The following RALGPS2 variants were observed in gnomAD, a reference collection of about 807,000 sequenced individuals.
The protein encoded by RALGPS2 is Ral GEF with PH domain and SH3 binding motif 2, also known as ras-specific guanine nucleotide-releasing factor RalGPS2.
In RALGPS2, 43 loss-of-function variants were observed where a neutral mutation model predicts 86.8. The ratio of observed to expected loss-of-function variants is 0.50; its 90% CI spans 0.39 to 0.64. The LOEUF (loss-of-function observed/expected upper bound fraction) is 0.64, where lower values mean the gene tolerates loss of function less well. RALGPS2 is among the 30% of genes least tolerant of loss of function. RALGPS2 has a pLI of 0.00. For synonymous variants in RALGPS2, 243 were observed against 231.3 expected (o/e 1.05, Z -0.46); for missense variants, 536 against 694.6 (o/e 0.77, Z 2.57).
intron 1 of RALGPS2, among the ~76,000 whole-genome samples, chr1:178,730,931 C>T (rs867247125): frequency 2.6e-5 from 4 of 152,238 alleles, no homozygotes; most frequent in Middle Eastern, 6.8e-3. Flanking sequence ...GACCCAACCT[C>T]AAGTGATTCG....
intron 8 of RALGPS2, among the ~76,000 whole-genome samples, chr1:178,855,411 G>T (rs893109266): frequency 3.3e-5 from 5 of 150,840 alleles, no homozygotes; most frequent in Non-Finnish European, 5.9e-5. Flanking sequence ...AAAAGTACAC[G>T]CAAAAATCAA....
At chr1:178,863,255 G>A (rs1011629279) in intron 8 of RALGPS2, among the ~76,000 whole-genome samples, 3 of 152,124 alleles carry the variant, frequency 2.0e-5, no homozygotes, top group East Asian at 3.8e-4. Flanking sequence ...GGGCAGCTGG[G>A]GAAGTATCAA....
chr1:178,899,954 C>G (rs747516040), intron 17 of RALGPS2, among the ~76,000 whole-genome samples: 5 of 151,846 alleles, frequency 3.3e-5, no homozygotes, highest in Non-Finnish European at 5.9e-5. Context: ...GTTGTCTCTT[C>G]AATTTCTTAG....
Position 178,738,906 on chromosome 1 carries a change from T to C in RALGPS2, c.-84+13487T>C, listed in dbSNP as rs116294254. On this transcript the variant is annotated intron_variant, in intron 1 of 19. Transcript: ENST00000367635. ...GGTTACTGGAGTAAATTATTCGTTA[T>C]ACCTCTTCCAGTCCTGATTTAGATT... 3.0e-3 allele frequency among the ~76,000 whole-genome samples: 460 copies of C among 152,328 alleles called. 4 individuals are homozygous for C. Among genetic ancestry groups the C allele is most frequent in the African/African-American group, 0.01 (426 of 41,582 alleles).
chr1:178,747,820 C>T (rs1034315236), intron 1 of RALGPS2: 5 of 636,532 alleles, frequency 7.9e-6, no homozygotes, highest in African/African-American at 1.8e-5. Flanking sequence ...CCTGCACGAT[C>T]CGCAGAGAGC....
At chr1:178,801,000 C>T (rs968544765) in intron 4 of RALGPS2, among the ~76,000 whole-genome samples, 4 of 151,688 alleles carry the variant, frequency 2.6e-5, no homozygotes, top group Non-Finnish European at 4.4e-5. Context: ...GATCTCAGCT[C>T]ACTGCAAACT....
intron 12 of RALGPS2, 59 bp downstream of exon 12, chr1:178,885,270 T>C (rs1023623097): frequency 6.6e-7 from 1 of 1,515,028 alleles, no homozygotes; most frequent in South Asian, 1.2e-5. Flanking sequence ...GGATTTATTG[T>C]CGATTTATTA....
chr1:178,853,548 A>G, intron 8 of RALGPS2: 1 of 1,399,800 alleles, frequency 7.1e-7, no homozygotes. Flanking sequence ...CATTATTGCA[A>G]GAATGGATTT....
At chr1:178,831,099 A>G (rs1288546072) in intron 7 of RALGPS2, among the ~76,000 whole-genome samples, 1 of 152,168 alleles carries the variant, frequency 6.6e-6, no homozygotes, top group East Asian at 1.9e-4. Context: ...AATTTGCCAA[A>G]AATGAAATAA....
intron 18 of RALGPS2, among the ~76,000 whole-genome samples, chr1:178,902,908 C>T (rs1231930185): frequency 1.3e-5 from 2 of 152,032 alleles, no homozygotes; most frequent in Admixed American, 1.3e-4. Context: ...TATAGAGAGA[C>T]ACTTATGAAT....
intron 4 of RALGPS2, among the ~76,000 whole-genome samples, chr1:178,790,498 T>C (rs1413194133): frequency 6.6e-6 from 1 of 152,232 alleles, no homozygotes; most frequent in Non-Finnish European, 1.5e-5. Flanking sequence ...CATTCCTGTC[T>C]ATTTAGTTAT....
intron 8 of RALGPS2, chr1:178,870,899 T>C (rs1308025496): frequency 6.6e-6 from 1 of 152,154 alleles, no homozygotes; most frequent in Non-Finnish European, 1.5e-5. Flanking sequence ...TTCTTTTTCC[T>C]TTTACAATAC....
At chr1:178,811,012 A>T (rs568671399) in intron 5 of RALGPS2, among the ~76,000 whole-genome samples, 1 of 152,140 alleles carries the variant, frequency 6.6e-6, no homozygotes, top group Non-Finnish European at 1.5e-5. Flanking sequence ...ATTTGAAAGC[A>T]TTACAAAATT....
chr1:178,854,523 A>G (rs1276717153), intron 8 of RALGPS2, among the ~76,000 whole-genome samples: 4 of 152,170 alleles, frequency 2.6e-5, no homozygotes, highest in Non-Finnish European at 4.4e-5. Flanking sequence ...CTAACAGCCC[A>G]TGAGAATACA....
At chr1:178,911,676 A>G (rs1029491578) in intron 19 of RALGPS2, among the ~76,000 whole-genome samples, 2 of 152,190 alleles carry the variant, frequency 1.3e-5, no homozygotes, top group African/African-American at 4.8e-5. Context: ...AATGAAAAGA[A>G]TGTATATTCT....
At chr1:178,759,141 C>G (rs1002338082) in intron 1 of RALGPS2, among the ~76,000 whole-genome samples, 6 of 152,122 alleles carry the variant, frequency 3.9e-5, no homozygotes, top group Admixed American at 3.9e-4. Context: ...AATAGATTTT[C>G]TCCCAGACCA....
At chr1:178,812,409 G>A (rs1655027175) in intron 6 of RALGPS2, among the ~76,000 whole-genome samples, 1 of 152,144 alleles carries the variant, frequency 6.6e-6, no homozygotes, top group Admixed American at 6.5e-5. Flanking sequence ...AATAGTTGGG[G>A]TCGCCTATGG....
In RALGPS2 at chr1:178,865,518, T is replaced by G. The variant is rs754436751; in HGVS notation, c.608-11980T>G. ...TGCCTGGAGAGCACATCCTTCAGGT[T>G]TTCAAGGTCCATCCTGGTGATCATG... On this transcript the variant is annotated intron_variant, in intron 8 of 19. Coordinates refer to ENST00000367635, the MANE Select transcript of RALGPS2 (RefSeq NM_152663.5). 23 of 1,614,002 alleles carry G rather than the reference T, an allele frequency of 1.4e-5. No individual in the cohort carries two copies. Among genetic ancestry groups the G allele is most frequent in the Middle Eastern group, 3.3e-4 (2 of 6,084 alleles).
At chr1:178,754,937 C>G (rs556024492) in intron 1 of RALGPS2, among the ~76,000 whole-genome samples, 89 of 152,254 alleles carry the variant, frequency 5.8e-4, no homozygotes, top group Admixed American at 1.2e-3. Flanking sequence ...GTAGCTGGAA[C>G]TACAGGCATA....
Sources: gnomAD v4.1 joint callset for allele counts (sites outside exome capture counted in the v4.1 genomes callset) on GRCh38, gnomAD v4.1.1 for gene constraint, MANE v1.5 for transcripts, NCBI Gene and HGNC (gene_info 2026-07-23, HGNC 2026-07-21) for gene names.